ZFAND1: variants seen among roughly 807,000 people sequenced by gnomAD.
ZFAND1 encodes AN1-type zinc finger protein 1.
ZFAND1 carries 40 observed loss-of-function variants against 38.5 expected under a neutral mutation model. The observed-to-expected ratio is 1.04, with a 90% CI of 0.81 to 1.35. ZFAND1 has a LOEUF of 1.35. Among genes scored for constraint, ZFAND1 ranks in the 40% most tolerant of loss-of-function variants. The probability of loss-of-function intolerance (pLI) is 0.00; values close to 1 mark genes in which losing one functional copy is unlikely to be tolerated. For missense variants in ZFAND1, 346 were observed against 316.3 expected (o/e 1.09, Z -0.71); for synonymous variants, 117 against 103.6 (o/e 1.13, Z -0.78).
chr8:81,714,584 G>C (rs1808242974), intron 5 of ZFAND1: 1 of 484,370 alleles, frequency 2.1e-6, no homozygotes, highest in Non-Finnish European at 3.7e-6. Flanking sequence ...CTCAGCAAAA[G>C]AGATAAGTAC....
intron 1 of ZFAND1, among the ~76,000 whole-genome samples, chr8:81,719,164 C>G (rs1808398636): frequency 6.6e-6 from 1 of 151,966 alleles, no homozygotes; most frequent in African/African-American, 2.4e-5. Flanking sequence ...TGAGTATACT[C>G]AACTCAGAAC....
chr8:81,705,330 C>T (rs1316931512), intron 6 of ZFAND1, among the ~76,000 whole-genome samples: 1 of 151,848 alleles, frequency 6.6e-6, no homozygotes, highest in Non-Finnish European at 1.5e-5. Flanking sequence ...TGAAGATTAA[C>T]TCATTATGGG....
At position 81,714,499 on chromosome 8, in the gene ZFAND1, T is replaced by C. The variant is rs559965062; in HGVS notation, c.358+305A>G. On this transcript the variant is annotated intron_variant, in intron 5 of 7. Transcript: ENST00000220669. The stretch of plus-strand genomic sequence containing the variant: ...CTGACTAGGCTTAGAGTTTAATCTG[T>C]AGAGAAAGCAGCTGACTACTTCAAT... 3.6e-5 allele frequency: 12 copies of C among 332,196 alleles called. No homozygotes were observed. In the South Asian group the frequency reaches 4.0e-4, roughly 11 times the overall value. The allele number at this position is 332,196 out of a possible 1,614,324, so 20.6% of individuals were successfully genotyped here.
rs1382758836 is a variant in ZFAND1, at chr8:81,721,243, CT to C, written c.38del (p.Glu13GlyfsTer35). Reference protein sequence around the residue: ...ELDIGQHCQVEHCRQRDFLPF... With the variant: ...ELDIGQHCQVXHCRQRDFLPF... ...CCGGATCACCTCGCTGCCGGCAATG[CT>C]CCACCTGGCAGTGCTGCCCGATGTC... On this transcript the variant is annotated frameshift_variant, in exon 1 of 8. Coordinates refer to ENST00000220669, the MANE Select transcript of ZFAND1 (RefSeq NM_024699.3). LOFTEE classifies it high-confidence loss of function. 8 of 1,548,990 alleles carry C rather than the reference CT, an allele frequency of 5.2e-6. No homozygotes were observed. The African/African-American group carries it at 1.1e-4, about 21-fold the overall frequency.
intron 6 of ZFAND1, among the ~76,000 whole-genome samples, chr8:81,713,213 C>T (rs1343372693): frequency 1.3e-5 from 2 of 152,118 alleles, no homozygotes; most frequent in Non-Finnish European, 2.9e-5. Context: ...AGCTCTGCCT[C>T]CCAGGTTCAT....
chr8:81,715,863 C>T (rs11985309), intron 3 of ZFAND1, among the ~76,000 whole-genome samples: 86,181 of 151,962 alleles, frequency 0.57, 24,937 homozygotes, highest in Admixed American at 0.62. Context: ...ATTTAATTAA[C>T]GAGACCTAAT....
At position 81,702,779 on chromosome 8, in the gene ZFAND1, A is replaced by T; in HGVS notation, c.723T>A (p.Pro241=). The change falls in exon 8 of 8, where the codon CCT becomes CCA. Residue 241 remains proline (P), a synonymous_variant. Transcript: ENST00000220669. ...AGATTATATTTCCACCATTATATAAAGGACAATCCTCCTTAGCAATCCAGG... is the reference window on the plus strand; with the variant it reads ...AGATTATATTTCCACCATTATATAATGGACAATCCTCCTTAGCAATCCAGG... ...LETWIAKEDC[P]LYNGGNIILE... 1 of 1,608,208 alleles carries T rather than the reference A, an allele frequency of 6.2e-7. No individual in the cohort carries two copies. The highest frequency in any genetic ancestry group is 8.5e-7 in the Non-Finnish European group (1 of 1,177,630).
chr8:81,716,116 C>A (rs1240872569), intron 3 of ZFAND1, among the ~76,000 whole-genome samples: 3 of 152,170 alleles, frequency 2.0e-5, no homozygotes, highest in African/African-American at 7.2e-5. Context: ...TTCAACTGAA[C>A]CTCATGTAAC....
intron 2 of ZFAND1, among the ~76,000 whole-genome samples, chr8:81,717,570 TTA>T (rs1180858994): frequency 1.1e-4 from 17 of 152,298 alleles, no homozygotes; most frequent in Non-Finnish European, 2.5e-4. Context: ...TCAGCTCTTT[TTA>T]TTTCTAAAAG....
At position 81,703,468 on chromosome 8, in the gene ZFAND1, C is replaced by T. The variant is rs181474166; in HGVS notation, c.481-344G>A. ...GAGGGAGTTTCGCTCTTGTTGCCAACGCTAGAGTGCAATGGCACGTTCTTG... is the reference window on the plus strand; with the variant it reads ...GAGGGAGTTTCGCTCTTGTTGCCAATGCTAGAGTGCAATGGCACGTTCTTG... On this transcript the variant is annotated intron_variant, in intron 6 of 7. Transcript: ENST00000220669. 2.2e-4 allele frequency among the ~76,000 whole-genome samples: 33 copies of T among 152,286 alleles called. 1 individual carries two copies. The highest frequency in any genetic ancestry group is 7.7e-4 in the African/African-American group (32 of 41,556).
chr8:81,712,189 A>G (rs1233817983), intron 6 of ZFAND1, among the ~76,000 whole-genome samples: 1 of 152,180 alleles, frequency 6.6e-6, no homozygotes, highest in African/African-American at 2.4e-5. Context: ...AAAGTTTAAT[A>G]TCCATTCATA....
At chr8:81,717,392 ATAC>A (rs1185963203) in intron 2 of ZFAND1, 104 bp from the exon 3 acceptor site, 3 of 741,516 alleles carry the variant, frequency 4.0e-6, no homozygotes, top group African/African-American at 3.7e-5. Context: ...CATTATGCTC[ATAC>A]TACATTAATA....
chr8:81,718,159 T>C, intron 2 of ZFAND1, 23 bp downstream of exon 2: 2 of 1,563,188 alleles, frequency 1.3e-6, no homozygotes, highest in Non-Finnish European at 1.7e-6. Flanking sequence ...TACTCCCAAA[T>C]CCTGCATAAA....
Position 81,713,935 on chromosome 8 carries a change from C to G in ZFAND1, c.463G>C (p.Asp155His), listed in dbSNP as rs754752869. 1.2e-6 allele frequency: 2 copies of G among 1,612,754 alleles called. No individual in the cohort carries two copies. The highest frequency in any genetic ancestry group is 1.7e-6 in the Non-Finnish European group (2 of 1,179,638). The change falls in exon 6 of 8, where the codon GAT (aspartate) becomes CAT (histidine). Residue 155 changes from aspartate (D) to histidine (H), a missense_variant. Physicochemically the swap from Asp to His is moderately conservative, Grantham distance 81. Coordinates refer to ENST00000220669, the MANE Select transcript of ZFAND1 (RefSeq NM_024699.3). ...AGACCAACCTGTGGTAATGACTTAT[C>G]GCCATCAGCATGCATCTTTAATTTC... ...LMKLKMHADG[D>H]KSLPQTERIY...
At chr8:81,703,272 A>T (rs1383840081) in intron 6 of ZFAND1, 148 bp from the exon 7 acceptor site, 1 of 516,104 alleles carries the variant, frequency 1.9e-6, no homozygotes, top group Non-Finnish European at 3.2e-6. Flanking sequence ...ACAGTAGCCA[A>T]AAACACACAT....
Position 81,713,937 on chromosome 8 carries a change from C to A in ZFAND1, c.461G>T (p.Gly154Val). Residue 154 changes from glycine to valine, a missense_variant, in exon 6 of 8, where the codon GGC (glycine) becomes GTC (valine). Coordinates refer to ENST00000220669, the MANE Select transcript of ZFAND1 (RefSeq NM_024699.3). Reference sequence around the variant, plus strand: ...ACCAACCTGTGGTAATGACTTATCGCCATCAGCATGCATCTTTAATTTCAT... The same window carrying A: ...ACCAACCTGTGGTAATGACTTATCGACATCAGCATGCATCTTTAATTTCAT... Reference protein sequence around the residue: ...ALMKLKMHADGDKSLPQTERI... With the variant: ...ALMKLKMHADVDKSLPQTERI... 1 of 1,612,654 alleles carries A rather than the reference C, an allele frequency of 6.2e-7. No homozygotes were observed. The highest frequency in any genetic ancestry group is 8.5e-7 in the Non-Finnish European group (1 of 1,179,616).
At chr8:81,702,892 G>A (rs1233639791) in intron 7 of ZFAND1, 27 bp from the exon 8 acceptor site, 5 of 1,559,954 alleles carry the variant, frequency 3.2e-6, no homozygotes, top group African/African-American at 1.4e-5. Flanking sequence ...AAGTCATACT[G>A]TAATAAATAA....
chr8:81,701,682 A>G lies in ZFAND1; in HGVS notation c.*1013T>C, dbSNP rs1486595300. On this transcript the variant is annotated 3_prime_UTR_variant, in exon 8 of 8. Transcript: ENST00000220669. ...GTTGGAAATTATCTCCATTCCTCAC[A>G]TAAAAATAATATGAAGAATTAGAAA... The G allele has an allele frequency of 6.6e-6, 1 of 152,256 alleles. No individual in the cohort carries two copies. Among genetic ancestry groups the G allele is most frequent in the Non-Finnish European group, 1.5e-5 (1 of 68,040 alleles). The allele number at this position is 152,256 out of a possible 1,614,324, so 9.4% of individuals were successfully genotyped here.
intron 3 of ZFAND1, among the ~76,000 whole-genome samples, chr8:81,715,678 C>T (rs1199061918): frequency 1.3e-5 from 2 of 151,454 alleles, no homozygotes; most frequent in Non-Finnish European, 2.9e-5. Context: ...CTAAATCAGC[C>T]AGGCTATTCT....
Sources: gnomAD v4.1 joint callset for allele counts (sites outside exome capture counted in the v4.1 genomes callset) on GRCh38, gnomAD v4.1.1 for gene constraint, MANE v1.5 for transcripts, NCBI Gene and HGNC (gene_info 2026-07-23, HGNC 2026-07-21) for gene names.